Variants in ANK3 observed in about 807,000 individuals in gnomAD.
The protein encoded by ANK3 is ankyrin-3.
Under a neutral mutation model 370.9 loss-of-function variants are expected in ANK3, and 57 were observed. The observed-to-expected ratio is 0.15, with a 90% CI of 0.12 to 0.19. The LOEUF is 0.19. Among genes scored for constraint, ANK3 ranks in the 10% least tolerant of loss-of-function variants. The pLI is 1.00. For missense variants in ANK3, 4,439 were observed against 5,302.1 expected (o/e 0.84, Z 5.06); for synonymous variants, 1,929 against 1,946.3 (o/e 0.99, Z 0.23).
In ANK3 at chr10:60,069,197, G is replaced by A. The variant is rs758908403; in HGVS notation, c.11684C>T (p.Ser3895Phe). Residue 3895 changes from serine (S) to phenylalanine (F), a missense_variant, in exon 37 of 44, where the codon TCC becomes TTC. By Grantham distance (155) the Ser-to-Phe change is radical. Coordinates refer to ENST00000280772, the MANE Select transcript of ANK3 (RefSeq NM_020987.5). ...AGTAGTAAGGGCTTTGGTTTTCTCGGATTGACTAACCTGCTTCATTTTACT... is the reference window on the plus strand; with the variant it reads ...AGTAGTAAGGGCTTTGGTTTTCTCGAATTGACTAACCTGCTTCATTTTACT... ...KASKMKQVSQSEKTKALTTSS... is the reference protein window; with the variant it reads ...KASKMKQVSQFEKTKALTTSS... 3.7e-6 allele frequency: 6 copies of A among 1,613,986 alleles called. No homozygotes were observed. Among genetic ancestry groups the A allele is most frequent in the South Asian group, 2.2e-5 (2 of 91,072 alleles).
chr10:60,268,975 A>G (rs965348941), intron 5 of ANK3, among the ~76,000 whole-genome samples: 14 of 152,196 alleles, frequency 9.2e-5, no homozygotes, highest in African/African-American at 3.4e-4. Flanking sequence ...GTTTCCCTAG[A>G]AGGTATAATC....
intron 24 of ANK3, among the ~76,000 whole-genome samples, chr10:60,136,662 A>G (rs960047920): frequency 6.6e-6 from 1 of 152,198 alleles, no homozygotes; most frequent in Non-Finnish European, 1.5e-5. Flanking sequence ...TGCAGAACAG[A>G]GCCCTGAATT....
At chr10:60,205,920 G>T in intron 10 of ANK3, 30 bp from the exon 11 acceptor site, 2 of 1,389,046 alleles carry the variant, frequency 1.4e-6, no homozygotes, top group South Asian at 1.2e-5. Context: ...ATACCTGCTT[G>T]ACTACATTCC....
At chr10:60,092,328 CTGCCTCCT>C (rs1181307566) in intron 28 of ANK3, among the ~76,000 whole-genome samples, 3 of 152,312 alleles carry the variant, frequency 2.0e-5, no homozygotes, top group African/African-American at 7.2e-5. Flanking sequence ...ATTAACATTT[CTGCCTCCT>C]TTATCAGATA....
chr10:60,293,195 G>A (rs915655881), intron 1 of ANK3, among the ~76,000 whole-genome samples: 1 of 152,152 alleles, frequency 6.6e-6, no homozygotes, highest in African/African-American at 2.4e-5. Flanking sequence ...CAGAGAGAGT[G>A]GCTGCTTTAA....
At chr10:60,432,646 C>A (rs2064055138) in intron 2 of ANK3, among the ~76,000 whole-genome samples, 1 of 152,164 alleles carries the variant, frequency 6.6e-6, no homozygotes, top group African/African-American at 2.4e-5. Context: ...ACTTTTAGAA[C>A]ACGGAGTTGC....
intron 1 of ANK3, among the ~76,000 whole-genome samples, chr10:60,327,829 T>C (rs1382107547): frequency 6.6e-6 from 1 of 152,202 alleles, no homozygotes; most frequent in Non-Finnish European, 1.5e-5. Context: ...CTTTCTGCTT[T>C]AGTAGGCCTA....
At chr10:60,041,863 A>T (rs1232256302) in intron 43 of ANK3, among the ~76,000 whole-genome samples, 1 of 152,174 alleles carries the variant, frequency 6.6e-6, no homozygotes, top group East Asian at 1.9e-4. Context: ...TATTCTGGCA[A>T]GCAGGGAACA....
In ANK3 at chr10:60,088,193, G is replaced by A; in HGVS notation, c.3494C>T (p.Ser1165Phe). Reference protein sequence around the residue: ...SSTTVPLVQASFPEGALTKRI... With the variant: ...SSTTVPLVQAFFPEGALTKRI... Reference sequence around the variant, plus strand: ...TTTAGTTAGGGCACCCTCTGGGAAAGATGCTTGAACAAGGGGCACTGTGGT... The same window carrying A: ...TTTAGTTAGGGCACCCTCTGGGAAAAATGCTTGAACAAGGGGCACTGTGGT... The change falls in exon 29 of 44, where the codon TCT becomes TTT. Residue 1165 changes from serine (S) to phenylalanine (F), a missense_variant. Physicochemically the swap from Ser to Phe is radical, Grantham distance 155. Coordinates refer to ENST00000280772, the MANE Select transcript of ANK3 (RefSeq NM_020987.5). 1 of 1,614,204 alleles carries A rather than the reference G, an allele frequency of 6.2e-7. No homozygotes were observed. Among genetic ancestry groups the A allele is most frequent in the Non-Finnish European group, 8.5e-7 (1 of 1,180,024 alleles).
intron 2 of ANK3, among the ~76,000 whole-genome samples, chr10:60,434,169 T>C (rs1473408035): frequency 1.3e-5 from 2 of 152,256 alleles, no homozygotes; most frequent in African/African-American, 4.8e-5. Context: ...TGTGCTCTCA[T>C]ATTTCTTGAT....
chr10:60,264,704 T>C (rs991903963), intron 5 of ANK3, among the ~76,000 whole-genome samples: 2 of 151,966 alleles, frequency 1.3e-5, no homozygotes, highest in East Asian at 3.9e-4. Flanking sequence ...ATCATTTAAA[T>C]AAGATGTAAA....
At chr10:60,676,010 C>T (rs1430810393) in intron 1 of ANK3, among the ~76,000 whole-genome samples, 1 of 152,074 alleles carries the variant, frequency 6.6e-6, no homozygotes, top group African/African-American at 2.4e-5. Flanking sequence ...TATCTAAACA[C>T]AGGCTCTCTT....
At chr10:60,689,825 T>A (rs985248187) in intron 1 of ANK3, among the ~76,000 whole-genome samples, 1 of 151,866 alleles carries the variant, frequency 6.6e-6, no homozygotes, top group African/African-American at 2.4e-5. Context: ...TTTAGATTTA[T>A]ATAGATAAAA....
Position 60,038,460 on chromosome 10 carries a change from G to T in ANK3, c.*19+4212C>A, listed in dbSNP as rs547236665. 5.3e-5 allele frequency among the ~76,000 whole-genome samples: 8 copies of T among 152,072 alleles called. No homozygotes were observed. The East Asian group carries it at 1.5e-3, about 29-fold the overall frequency. On this transcript the variant is annotated intron_variant, in intron 43 of 43. Coordinates refer to ENST00000280772, the MANE Select transcript of ANK3 (RefSeq NM_020987.5). ...TGCCCACTTGTTAATGGGGTGGGTG[G>T]TTTTTTGCTTGTAAAAAGCAAAAAT...
At chr10:60,124,729 T>C (rs1250513085) in intron 25 of ANK3, among the ~76,000 whole-genome samples, 2 of 152,204 alleles carry the variant, frequency 1.3e-5, no homozygotes, top group Non-Finnish European at 2.9e-5. Context: ...CACTATTGCC[T>C]AGTGGCCAGC....
At chr10:60,066,033 G>A (rs1029489440) in intron 38 of ANK3, among the ~76,000 whole-genome samples, 5 of 152,188 alleles carry the variant, frequency 3.3e-5, no homozygotes, top group East Asian at 1.9e-4. Context: ...TAGTGGTTTC[G>A]AGGGACAGAT....
intron 2 of ANK3, among the ~76,000 whole-genome samples, chr10:60,498,010 G>A (rs935771434): frequency 1.1e-4 from 16 of 152,042 alleles, no homozygotes; most frequent in Non-Finnish European, 2.2e-4. Flanking sequence ...CATTATCACC[G>A]TCGGACTCCT....
At chr10:60,230,991 A>G (rs80299486) in intron 8 of ANK3, among the ~76,000 whole-genome samples, 7,162 of 152,166 alleles carry the variant, frequency 0.047, 554 homozygotes, top group African/African-American at 0.16. Context: ...TAAATTTTAC[A>G]ATAACTAATT....
intron 1 of ANK3, among the ~76,000 whole-genome samples, chr10:60,385,338 T>C (rs144048717): frequency 5.0e-4 from 76 of 151,992 alleles, no homozygotes; most frequent in Non-Finnish European, 8.8e-4. Flanking sequence ...CTCAGCTTCA[T>C]TGAGATTCTC....
Sources: allele counts gnomAD v4.1 joint callset (sites outside exome capture counted in the v4.1 genomes callset), GRCh38; gene constraint gnomAD v4.1.1; transcripts MANE v1.5; gene names NCBI Gene and HGNC (gene_info 2026-07-23, HGNC 2026-07-21).